SMYD1: variants seen among roughly 807,000 people sequenced by gnomAD.
The protein encoded by SMYD1 is histone-lysine N-methyltransferase SMYD1.
In SMYD1, 49 loss-of-function variants were observed where a neutral mutation model predicts 54.0. The ratio of observed to expected loss-of-function variants is 0.91; its 90% CI spans 0.72 to 1.15. The LOEUF (loss-of-function observed/expected upper bound fraction) is 1.15, where lower values mean the gene tolerates loss of function less well. Among genes scored for constraint, SMYD1 ranks in the 50% most tolerant of loss-of-function variants. The pLI is 0.00. For missense variants in SMYD1, 653 were observed against 639.6 expected (o/e 1.02, Z -0.23); for synonymous variants, 269 against 234.2 (o/e 1.15, Z -1.36).
intron 1 of SMYD1, among the ~76,000 whole-genome samples, chr2:88,079,071 A>G (rs1674130198): frequency 1.3e-5 from 2 of 152,364 alleles, no homozygotes; most frequent in Admixed American, 1.3e-4. Flanking sequence ...TTTTCTTTTT[A>G]TGAAAAGTAT....
chr2:88,110,575 G>A lies in SMYD1; in HGVS notation c.*63G>A, dbSNP rs1674998957. On this transcript the variant is annotated 3_prime_UTR_variant, in exon 10 of 10. Coordinates refer to ENST00000419482, the MANE Select transcript of SMYD1 (RefSeq NM_198274.4). ...GCTAGGGAGAGACTCTGGAGGTGGT[G>A]GGTCTCTCGGGAGACCCCTAATGAG... 6.8e-7 allele frequency: 1 copy of A among 1,464,056 alleles called. No individual in the cohort carries two copies. Among genetic ancestry groups the A allele is most frequent in the South Asian group, 1.4e-5 (1 of 70,458 alleles). The allele number at this position is 1,464,056 out of a possible 1,614,324, so 90.7% of individuals were successfully genotyped here.
intron 8 of SMYD1, among the ~76,000 whole-genome samples, chr2:88,106,966 C>T (rs911620396): frequency 2.0e-5 from 3 of 152,026 alleles, no homozygotes; most frequent in East Asian, 1.9e-4. Flanking sequence ...TTTGGGAGGC[C>T]GAGGCGGGAG....
rs559746141 is a variant in SMYD1, at chr2:88,093,335, A to C, written c.660-182A>C. On this transcript the variant is annotated intron_variant, in intron 4 of 9. Transcript: ENST00000419482. ...GAATGTCTTGTTCCAAATTCAGTGC[A>C]CTTTCCCTATACTAGGCTGTGTCTT... is the stretch of plus-strand genomic sequence containing the variant. Among the ~76,000 whole-genome samples, 8 of 152,278 alleles carry C rather than the reference A, an allele frequency of 5.3e-5. No homozygotes were observed. The South Asian group carries it at 1.7e-3, about 32-fold the overall frequency.
In SMYD1 at chr2:88,087,931, C is replaced by T. The variant is rs770155114; in HGVS notation, c.384C>T (p.Ser128=). ...GGCTCACGGAGGGCTGCCTGGTGTC[C>T]GTGGACGACTTGCAGAACCACGTGG... ...GTGLTEGCLV[S]VDDLQNHVEH... Residue 128 remains serine, a synonymous_variant, in exon 3 of 10, where the codon TCC becomes TCT. Coordinates refer to ENST00000419482, the MANE Select transcript of SMYD1 (RefSeq NM_198274.4). The T allele has an allele frequency of 2.2e-5, 36 of 1,613,788 alleles. No homozygotes were observed. The highest frequency in any genetic ancestry group is 2.8e-5 in the Non-Finnish European group (33 of 1,179,836).
Position 88,087,867 on chromosome 2 carries a change from C to T in SMYD1, c.320C>T (p.Ala107Val), listed in dbSNP as rs780848017. ...TGACGCTGCCCTTCCCACAGGCTGG[C>T]GGCGCGCATCATGTGGCGGGTGGAG... ...GKVPNENIRL[A>V]ARIMWRVERE... The change falls in exon 3 of 10, where the codon GCG becomes GTG. Residue 107 changes from alanine (A) to valine (V), a missense_variant. Physicochemically the swap from Ala to Val is moderately conservative, Grantham distance 64 (BLOSUM62 0). Coordinates refer to ENST00000419482, the MANE Select transcript of SMYD1 (RefSeq NM_198274.4). 1.8e-5 allele frequency: 28 copies of T among 1,571,806 alleles called. No individual in the cohort carries two copies. The highest frequency in any genetic ancestry group is 3.6e-5 in the Admixed American group (2 of 55,686).
intron 5 of SMYD1, 57 bp from the exon 6 acceptor site, chr2:88,096,538 G>A (rs1400474324): frequency 6.0e-5 from 88 of 1,474,082 alleles, no homozygotes; most frequent in Non-Finnish European, 7.3e-5. Flanking sequence ...TGGAGAGCAC[G>A]GATCCCATTC....
rs1032445118 is a variant in SMYD1, at chr2:88,069,051, C to T, written c.137+1050C>T. Among the ~76,000 whole-genome samples the T allele has an allele frequency of 4.6e-5, 7 of 152,264 alleles. No individual in the cohort carries two copies. In the South Asian group the frequency reaches 6.2e-4, roughly 14 times the overall value. ...ACAGGCTCTATTAAATTTACATTCCCGCTTCCTCACGACCTTGGCCACACT... is the reference window on the plus strand; with the variant it reads ...ACAGGCTCTATTAAATTTACATTCCTGCTTCCTCACGACCTTGGCCACACT... On this transcript the variant is annotated intron_variant, in intron 1 of 9. Transcript: ENST00000419482.
intron 1 of SMYD1, among the ~76,000 whole-genome samples, chr2:88,074,446 A>G (rs969633999): frequency 6.6e-6 from 1 of 152,196 alleles, no homozygotes; most frequent in Admixed American, 6.5e-5. Context: ...GAAATTTGGG[A>G]TACTGTCCTT....
In SMYD1 at chr2:88,111,418, C is replaced by A. The variant is rs1165187855; in HGVS notation, c.*906C>A. The stretch of plus-strand genomic sequence containing the variant: ...GCTGAGAGAGAATCTTGGAAACACA[C>A]ATACCTGTTGATCATGGGCCCTGCA... On this transcript the variant is annotated 3_prime_UTR_variant, in exon 10 of 10. Transcript: ENST00000419482. 1 of 152,246 alleles carries A rather than the reference C, an allele frequency of 6.6e-6. No individual in the cohort carries two copies. The highest frequency in any genetic ancestry group is 1.5e-5 in the Non-Finnish European group (1 of 68,064). The allele number at this position is 152,246 out of a possible 1,614,324, so 9.4% of individuals were successfully genotyped here.
chr2:88,074,047 A>T (rs1201857076), intron 1 of SMYD1, among the ~76,000 whole-genome samples: 1 of 152,154 alleles, frequency 6.6e-6, no homozygotes, highest in Non-Finnish European at 1.5e-5. Flanking sequence ...GAGAGAGGGA[A>T]AGAAGATGGG....
In SMYD1 at chr2:88,106,438, G is replaced by A; in HGVS notation, c.1095G>A (p.Gln365=). The A allele has an allele frequency of 6.2e-7, 1 of 1,614,150 alleles. No homozygotes were observed. ...SIVSEVLSYL[Q]AFEEASFYAR... ...TTTCGGAGGTCCTTTCCTACCTCCA[G>A]GCCTTTGAGGAGGCCTCGTTCTATG... The change falls in exon 8 of 10, where the codon CAG becomes CAA. Residue 365 remains glutamine (Q), a synonymous_variant. Transcript: ENST00000419482.
chr2:88,112,102 G>A lies in SMYD1; in HGVS notation c.*1590G>A, dbSNP rs1573127470. ...GTTTGAAGAATTTCCTTTCTGGAAG[G>A]TTTTACAAGAAGACTGATAGTCTTT... On this transcript the variant is annotated 3_prime_UTR_variant, in exon 10 of 10. Transcript: ENST00000419482. 4 of 703,222 alleles carry A rather than the reference G, an allele frequency of 5.7e-6. No homozygotes were observed. Among genetic ancestry groups the A allele is most frequent in the African/African-American group, 5.2e-5 (3 of 57,252 alleles). The allele number at this position is 703,222 out of a possible 1,614,324, so 43.6% of individuals were successfully genotyped here.
chr2:88,112,552 G>T lies in SMYD1; in HGVS notation c.*2040G>T, dbSNP rs895446183. The T allele has an allele frequency of 3.3e-5, 6 of 181,496 alleles. No homozygotes were observed. The Admixed American group carries it at 3.3e-4, about 10-fold the overall frequency. 11.2% of individuals were successfully genotyped at this position (181,496 alleles called of 1,614,324 possible). ...TCAGTAAAAATGCTGAGAACTCTTG[G>T]ATCTTAATCTTCATGACTGAGTTTT... is the stretch of plus-strand genomic sequence containing the variant. On this transcript the variant is annotated 3_prime_UTR_variant, in exon 10 of 10. Transcript: ENST00000419482.
At chr2:88,071,574 C>A (rs1005567593) in intron 1 of SMYD1, among the ~76,000 whole-genome samples, 5 of 152,180 alleles carry the variant, frequency 3.3e-5, no homozygotes, top group African/African-American at 1.2e-4. Context: ...GGCACACCTT[C>A]CTCCTGAACT....
At chr2:88,107,135 A>G (rs1005315117) in intron 8 of SMYD1, among the ~76,000 whole-genome samples, 1 of 152,042 alleles carries the variant, frequency 6.6e-6, no homozygotes, top group African/African-American at 2.4e-5. Context: ...TGGGAGGCGG[A>G]GCTTGCAGTG....
At position 88,110,464 on chromosome 2, in the gene SMYD1, C is replaced by T. The variant is rs369414263; in HGVS notation, c.1425C>T (p.Ala475=). The T allele has an allele frequency of 8.0e-5, 128 of 1,602,690 alleles. No homozygotes were observed. Among genetic ancestry groups the T allele is most frequent in the Non-Finnish European group, 9.7e-5 (114 of 1,174,432 alleles). The change falls in exon 10 of 10, where the codon GCC becomes GCT. Residue 475 remains alanine, a synonymous_variant. Coordinates refer to ENST00000419482, the MANE Select transcript of SMYD1 (RefSeq NM_198274.4). ...ACAACCAGCCCATGCAGGTCATGGC[C>T]GAGCCCAGCAATGAGCCATCCCCAG... ...ALNNQPMQVM[A]EPSNEPSPAL... is the part of the protein sequence containing the mutation.
intron 1 of SMYD1, 66 bp downstream of exon 1, chr2:88,068,067 T>G: frequency 6.6e-7 from 1 of 1,525,338 alleles, no homozygotes; most frequent in East Asian, 2.4e-5. Flanking sequence ...TAAAATACTT[T>G]GCTCTCAAAA....
At chr2:88,076,310 G>C (rs1254567448) in intron 1 of SMYD1, among the ~76,000 whole-genome samples, 1 of 152,152 alleles carries the variant, frequency 6.6e-6, no homozygotes, top group Non-Finnish European at 1.5e-5. Context: ...CGCCTCCTGG[G>C]TTCACGCGAT....
Position 88,090,994 on chromosome 2 carries a change from A to C in SMYD1, c.529-18A>C, listed in dbSNP as rs1313053147. ...TCCATGTCTGTCGACTGACTCTTTC[A>C]TCTTTTCCCCTGGGTAGATTAACTG... On this transcript the variant is annotated intron_variant, in intron 3 of 9. Transcript: ENST00000419482. 1 of 1,606,282 alleles carries C rather than the reference A, an allele frequency of 6.2e-7. No individual in the cohort carries two copies. Among genetic ancestry groups the C allele is most frequent in the Admixed American group, 1.7e-5 (1 of 59,080 alleles).
Sources: gnomAD v4.1 joint callset for allele counts (sites outside exome capture counted in the v4.1 genomes callset) on GRCh38, gnomAD v4.1.1 for gene constraint, MANE v1.5 for transcripts, NCBI Gene and HGNC (gene_info 2026-07-23, HGNC 2026-07-21) for gene names.